The following FMN2 variants were observed in gnomAD, a reference collection of about 807,000 sequenced individuals.
The protein encoded by FMN2 is formin-2.
FMN2 carries 51 observed loss-of-function variants against 142.3 expected under a neutral mutation model. That is an observed-to-expected ratio of 0.36 (90% CI 0.29 to 0.45). FMN2 has a LOEUF of 0.45. Ranked by LOEUF, FMN2 falls within the 20% of genes least tolerant of loss-of-function variation. The pLI is 1.00. For synonymous variants in FMN2, 882 were observed against 869.8 expected (o/e 1.01, Z -0.25); for missense variants, 1,936 against 2,122.8 (o/e 0.91, Z 1.73).
At chr1:240,439,659 G>A (rs554325531) in intron 16 of FMN2, among the ~76,000 whole-genome samples, 108 of 152,280 alleles carry the variant, frequency 7.1e-4, no homozygotes, top group Non-Finnish European at 1.0e-3. Flanking sequence ...CATCAGTAAC[G>A]TAAAATATGA....
In FMN2 at chr1:240,190,701, A is replaced by C. The variant is rs537647346; in HGVS notation, c.1986+2439A>C. On this transcript the variant is annotated intron_variant, in intron 4 of 17. Coordinates refer to ENST00000319653, the MANE Select transcript of FMN2 (RefSeq NM_020066.5). Reference sequence around the variant, plus strand: ...ACTATGATAAAAATTATACTTTTACATGGGTAATCACCCGATGCCAAAATC... The same window carrying C: ...ACTATGATAAAAATTATACTTTTACCTGGGTAATCACCCGATGCCAAAATC... 2.6e-5 allele frequency among the ~76,000 whole-genome samples: 4 copies of C among 152,322 alleles called. No individual in the cohort carries two copies. The South Asian group carries it at 8.3e-4, about 32-fold the overall frequency.
At position 240,354,963 on chromosome 1, in the gene FMN2, A is replaced by C. The variant is rs186483142; in HGVS notation, c.4766-853A>C. On this transcript the variant is annotated intron_variant, in intron 13 of 17. Coordinates refer to ENST00000319653, the MANE Select transcript of FMN2 (RefSeq NM_020066.5). The stretch of plus-strand genomic sequence containing the variant: ...TCCTTACTGGCTCCGGTTTCTTGCT[A>C]TTACCAAAATGGCAGACATTTCTTC... Among the ~76,000 whole-genome samples, 195 of 152,138 alleles carry C rather than the reference A, an allele frequency of 1.3e-3. 2 individuals are homozygous for C. The highest frequency in any genetic ancestry group is 3.9e-3 in the Admixed American group (59 of 15,292).
At chr1:240,217,179 AAG>A (rs1488929253) in intron 6 of FMN2, among the ~76,000 whole-genome samples, 1 of 152,196 alleles carries the variant, frequency 6.6e-6, no homozygotes, top group African/African-American at 2.4e-5. Flanking sequence ...GAAAAGGAAA[AAG>A]AGATTACATA....
At chr1:240,381,402 C>T (rs1673222012) in intron 14 of FMN2, among the ~76,000 whole-genome samples, 1 of 152,096 alleles carries the variant, frequency 6.6e-6, no homozygotes, top group East Asian at 1.9e-4. Flanking sequence ...TAATTTACCA[C>T]ACAAAGAGAT....
intron 14 of FMN2, among the ~76,000 whole-genome samples, chr1:240,391,108 T>C (rs1013387845): frequency 1.3e-5 from 2 of 152,206 alleles, no homozygotes; most frequent in African/African-American, 4.8e-5. Flanking sequence ...AGTAAAATCA[T>C]AGGATATTCA....
chr1:240,304,886 A>G (rs574828701), intron 8 of FMN2, among the ~76,000 whole-genome samples: 1 of 152,330 alleles, frequency 6.6e-6, no homozygotes, highest in African/African-American at 2.4e-5. Context: ...ATTGACTAAA[A>G]TTAACTGTAA....
In FMN2 at chr1:240,093,669, C is replaced by G; in HGVS notation, c.1560C>G (p.Ala520=). The part of the protein sequence containing the change: ...DSGGGVSPAL[A]AKASGAPAAA... ...GCGGTGGGGTGTCCCCAGCACTGGCCGCCAAGGCGTCTGGGGCCCCCGCGG... is the reference window on the plus strand; with the variant it reads ...GCGGTGGGGTGTCCCCAGCACTGGCGGCCAAGGCGTCTGGGGCCCCCGCGG... The change falls in exon 1 of 18, where the codon GCC becomes GCG. Residue 520 remains alanine, a synonymous_variant. Coordinates refer to ENST00000319653, the MANE Select transcript of FMN2 (RefSeq NM_020066.5). The G allele has an allele frequency of 7.4e-7, 1 of 1,358,870 alleles. No individual in the cohort carries two copies. The highest frequency in any genetic ancestry group is 9.4e-7 in the Non-Finnish European group (1 of 1,061,612). 84.2% of individuals were successfully genotyped at this position (1,358,870 alleles called of 1,614,324 possible). A position where few individuals can be genotyped will look rare whatever the true frequency, so the allele number is the denominator to read the frequency against.
chr1:240,260,093 T>C (rs1056692398), intron 7 of FMN2, among the ~76,000 whole-genome samples: 10 of 152,366 alleles, frequency 6.6e-5, no homozygotes, highest in Middle Eastern at 3.4e-3. Flanking sequence ...CGTTCCTTTT[T>C]ATAGCTGAGT....
At chr1:240,171,980 GA>G (rs918206769) in intron 2 of FMN2, among the ~76,000 whole-genome samples, 30 of 152,274 alleles carry the variant, frequency 2.0e-4, no homozygotes, top group African/African-American at 7.2e-4. Context: ...GTGGAGTCAT[GA>G]AAATGCATCC....
intron 1 of FMN2, among the ~76,000 whole-genome samples, chr1:240,106,388 G>A (rs529402174): frequency 6.6e-6 from 1 of 152,244 alleles, no homozygotes; most frequent in South Asian, 2.1e-4. Context: ...TGAATTTCAG[G>A]TGCCAATTTC....
chr1:240,237,837 G>A (rs1667761537), intron 6 of FMN2, among the ~76,000 whole-genome samples: 1 of 152,182 alleles, frequency 6.6e-6, no homozygotes. Context: ...GAGGATACTT[G>A]AGTTTCTTTG....
At chr1:240,239,437 G>C (rs1211696025) in intron 6 of FMN2, among the ~76,000 whole-genome samples, 1 of 152,200 alleles carries the variant, frequency 6.6e-6, no homozygotes, top group Non-Finnish European at 1.5e-5. Flanking sequence ...CTCTGAAAAT[G>C]AGCATCATAA....
chr1:240,212,961 T>G (rs907319809), intron 6 of FMN2, among the ~76,000 whole-genome samples: 5 of 152,180 alleles, frequency 3.3e-5, no homozygotes, highest in African/African-American at 1.2e-4. Context: ...TTGTTTGTTT[T>G]TGTTTGTTTG....
intron 6 of FMN2, among the ~76,000 whole-genome samples, chr1:240,236,384 C>T (rs542494346): frequency 4.6e-5 from 7 of 152,188 alleles, no homozygotes; most frequent in Non-Finnish European, 8.8e-5. Context: ...GGTATTTCCT[C>T]GTCGCCAGCA....
chr1:240,397,998 C>CT (rs35919747), intron 15 of FMN2, among the ~76,000 whole-genome samples: 46,288 of 140,720 alleles, frequency 0.33, 7,862 homozygotes, highest in East Asian at 0.6. Flanking sequence ...TAGGCAAGAT[C>CT]TTTTTTTTTT....
chr1:240,284,241 G>C (rs544214429), intron 7 of FMN2, among the ~76,000 whole-genome samples: 1 of 152,168 alleles, frequency 6.6e-6, no homozygotes, highest in South Asian at 2.1e-4. Flanking sequence ...TTGTCATGTG[G>C]GTAATTGTCA....
intron 6 of FMN2, among the ~76,000 whole-genome samples, chr1:240,237,439 C>G: frequency 6.6e-6 from 1 of 152,192 alleles, no homozygotes; most frequent in South Asian, 2.1e-4. Context: ...TATCAGTTTC[C>G]TACCCTGTAG....
In FMN2 at chr1:240,208,141, C is replaced by T. The variant is rs370745797; in HGVS notation, c.3329C>T (p.Pro1110Leu). The T allele has an allele frequency of 1.8e-5, 23 of 1,267,834 alleles. No individual in the cohort carries two copies. Among genetic ancestry groups the T allele is most frequent in the African/African-American group, 1.0e-4 (5 of 48,404 alleles). The allele number at this position is 1,267,834 out of a possible 1,614,324, so 78.5% of individuals were successfully genotyped here. ...CTACCCGGAGTGGGCATACCTCCTC[C>T]GCCCCCTCTACCCGGAGCGGGCATA... is the stretch of plus-strand genomic sequence containing the variant. The part of the protein sequence containing the change: ...PPLPGVGIPP[P>L]PPLPGAGIPP... Residue 1110 changes from proline (P) to leucine (L), a missense_variant, in exon 5 of 18, where the codon CCG (proline) becomes CTG (leucine). By Grantham distance (98) the Pro-to-Leu change is moderately conservative. Transcript: ENST00000319653.
chr1:240,146,387 C>T (rs1410964022), intron 2 of FMN2, among the ~76,000 whole-genome samples: 4 of 85,204 alleles, frequency 4.7e-5, no homozygotes, highest in East Asian at 3.3e-4. Context: ...GAGCAAGACT[C>T]TGTCTCAAAA....
Sources: allele counts gnomAD v4.1 joint callset (sites outside exome capture counted in the v4.1 genomes callset), GRCh38; gene constraint gnomAD v4.1.1; transcripts MANE v1.5; gene names NCBI Gene and HGNC (gene_info 2026-07-23, HGNC 2026-07-21).